Variants in DCP2 observed in about 807,000 individuals in gnomAD.
The protein encoded by DCP2 is m7GpppN-mRNA hydrolase.
A neutral mutation model predicts 56.1 loss-of-function variants in DCP2; 30 were observed. The ratio of observed to expected loss-of-function variants is 0.53; its 90% CI spans 0.40 to 0.73. The LOEUF is 0.73. DCP2 is among the 30% of genes least tolerant of loss of function. The pLI is 0.00. For missense variants in DCP2, 533 were observed against 502.7 expected, an observed-to-expected ratio of 1.06 and a Z score of -0.58; for synonymous variants, 197 against 163.3, an observed-to-expected ratio of 1.21 and a Z score of -1.57.
At chr5:112,993,785 C>T (rs1338404159) in intron 4 of DCP2, among the ~76,000 whole-genome samples, 2 of 152,018 alleles carry the variant, frequency 1.3e-5, no homozygotes, top group Non-Finnish European at 2.9e-5. Flanking sequence ...CTGCCACCGC[C>T]ACCAACTAAC....
Position 113,016,893 on chromosome 5 carries a change from G to A in DCP2, c.*3409G>A, listed in dbSNP as rs1749910465. The A allele has an allele frequency of 1.4e-5, 2 of 144,708 alleles. No homozygotes were observed. Among genetic ancestry groups the A allele is most frequent in the Middle Eastern group, 3.5e-3 (1 of 282 alleles). 9.0% of individuals were successfully genotyped at this position (144,708 alleles called of 1,614,324 possible). The stretch of plus-strand genomic sequence containing the variant: ...TTTCACTCCTGTTGCCCAGGCTGGA[G>A]TGCAATGGTGCAATTTCGGCTCACC... On this transcript the variant is annotated 3_prime_UTR_variant, in exon 11 of 11. Transcript: ENST00000389063.
chr5:112,993,105 G>A (rs1028857246), intron 4 of DCP2, among the ~76,000 whole-genome samples: 1 of 151,680 alleles, frequency 6.6e-6, no homozygotes, highest in Non-Finnish European at 1.5e-5. Context: ...TATGTTTATA[G>A]CCTTGGCTTC....
chr5:113,000,891 C>T (rs13177101), intron 4 of DCP2, among the ~76,000 whole-genome samples, 193 bp from the exon 5 acceptor site: 68,726 of 152,000 alleles, frequency 0.45, 16,423 homozygotes, highest in East Asian at 0.64. Context: ...CCTGTGGATA[C>T]AGTATTAGAA....
At chr5:112,986,226 A>AT (rs1015100313) in intron 2 of DCP2, among the ~76,000 whole-genome samples, 11 of 152,032 alleles carry the variant, frequency 7.2e-5, no homozygotes, top group African/African-American at 2.7e-4. Context: ...ATTAAATTTT[A>AT]TTTTTTTCCC....
chr5:112,981,827 A>C (rs549227631), intron 1 of DCP2, among the ~76,000 whole-genome samples: 5 of 152,116 alleles, frequency 3.3e-5, no homozygotes, highest in Non-Finnish European at 7.4e-5. Context: ...GCTGGAGGCA[A>C]TGATGTGGTC....
rs1447357839 is a variant in DCP2 at position 113,019,638 on chromosome 5, A to G, written c.*6154A>G. The G allele has an allele frequency of 1.3e-5, 2 of 152,232 alleles. No homozygotes were observed. Among genetic ancestry groups the G allele is most frequent in the Non-Finnish European group, 2.9e-5 (2 of 68,030 alleles). 9.4% of individuals were successfully genotyped at this position (152,232 alleles called of 1,614,324 possible). A position where few individuals can be genotyped will look rare whatever the true frequency, so the allele number is the denominator to read the frequency against. ...AGAAACTTTTTCTTCAGTAACAAAAACAGGGAAGGACAATAAAACCATGAA... is the reference window on the plus strand; with the variant it reads ...AGAAACTTTTTCTTCAGTAACAAAAGCAGGGAAGGACAATAAAACCATGAA... On this transcript the variant is annotated 3_prime_UTR_variant, in exon 11 of 11. Coordinates refer to ENST00000389063, the MANE Select transcript of DCP2 (RefSeq NM_152624.6).
At chr5:113,002,510 C>T (rs1249113453) in intron 7 of DCP2, among the ~76,000 whole-genome samples, 1 of 151,492 alleles carries the variant, frequency 6.6e-6, no homozygotes, top group South Asian at 2.1e-4. Flanking sequence ...CATTTTCTTG[C>T]TTGGAACTTT....
At chr5:112,985,387 A>G (rs1035611514) in intron 1 of DCP2, among the ~76,000 whole-genome samples, 2 of 152,230 alleles carry the variant, frequency 1.3e-5, no homozygotes, top group African/African-American at 4.8e-5. Flanking sequence ...GGGAAGTCCT[A>G]GTATATTAAT....
chr5:112,985,782 T>A, intron 1 of DCP2, 53 bp from the exon 2 acceptor site: 1 of 1,574,094 alleles, frequency 6.4e-7, no homozygotes, highest in Non-Finnish European at 8.7e-7. Context: ...TAGCTTAAGA[T>A]AAATCGTTAT....
At chr5:112,999,579 G>A (rs942640803) in intron 4 of DCP2, among the ~76,000 whole-genome samples, 1 of 151,158 alleles carries the variant, frequency 6.6e-6, no homozygotes, top group Admixed American at 6.6e-5. Flanking sequence ...GCCTGCCTTG[G>A]CCTCCCCTTA....
Position 112,976,947 on chromosome 5 carries a change from G to A in DCP2, c.14G>A (p.Arg5Gln), listed in dbSNP as rs746605697. ...TGGGTCCTCATCATGGAGACCAAAC[G>A]GGTGGAGATTCCCGGCAGCGTCCTG... METK[R>Q]VEIPGSVLDD... Residue 5 changes from arginine to glutamine, a missense_variant, in exon 1 of 11, where the codon CGG becomes CAG. By Grantham distance (43) the Arg-to-Gln change is conservative (BLOSUM62 1). Coordinates refer to ENST00000389063, the MANE Select transcript of DCP2 (RefSeq NM_152624.6). 5.6e-6 allele frequency: 9 copies of A among 1,602,654 alleles called. No individual in the cohort carries two copies. The Admixed American group carries it at 8.4e-5, about 15-fold the overall frequency.
In DCP2 at chr5:112,988,364, C is replaced by T. The variant is rs547322716; in HGVS notation, c.205+2378C>T. ...AAAATTAGCTGGGCGTGGTGGCGGG[C>T]GCTTGTAGTCCCAGCTACTCCGGAG... On this transcript the variant is annotated intron_variant, in intron 2 of 10. Transcript: ENST00000389063. 3.1e-4 allele frequency among the ~76,000 whole-genome samples: 46 copies of T among 150,142 alleles called. No homozygotes were observed. In the East Asian group the frequency reaches 7.2e-3, roughly 23 times the overall value.
chr5:112,984,703 A>AATATATATATATATATATATAT (rs57159758), intron 1 of DCP2: 157 of 64,796 alleles, frequency 2.4e-3, no homozygotes, highest in Non-Finnish European at 3.1e-3. Context: ...AAAAAAAAAA[A>AATATATATATATATATATATAT]ATATATATAT....
intron 10 of DCP2, 133 bp downstream of exon 10, chr5:113,010,940 G>GTTC: frequency 1.1e-6 from 1 of 899,626 alleles, no homozygotes; most frequent in Non-Finnish European, 1.6e-6. Context: ...TGTAGAAAGA[G>GTTC]TTCATGTATG....
At chr5:112,983,218 T>C (rs1748093057) in intron 1 of DCP2, among the ~76,000 whole-genome samples, 2 of 152,174 alleles carry the variant, frequency 1.3e-5, no homozygotes, top group African/African-American at 4.8e-5. Flanking sequence ...ATTTCTTACA[T>C]AGAGAAAATA....
chr5:112,978,499 C>A (rs1747835037), intron 1 of DCP2, among the ~76,000 whole-genome samples: 1 of 152,070 alleles, frequency 6.6e-6, no homozygotes, highest in South Asian at 2.1e-4. Context: ...TTCTCTCATA[C>A]CAAGGAGAAG....
At chr5:112,980,369 T>C (rs1580789119) in intron 1 of DCP2, among the ~76,000 whole-genome samples, 1 of 152,338 alleles carries the variant, frequency 6.6e-6, no homozygotes, top group Middle Eastern at 3.4e-3. Flanking sequence ...AATTAAATAA[T>C]TTGTGCTCAT....
chr5:112,990,728 C>T (rs1420029615), intron 2 of DCP2, among the ~76,000 whole-genome samples: 1 of 152,168 alleles, frequency 6.6e-6, no homozygotes, highest in African/African-American at 2.4e-5. Flanking sequence ...AGGTATGAGC[C>T]ACCACACCTG....
At chr5:112,985,796 T>C in intron 1 of DCP2, 39 bp from the exon 2 acceptor site, 1 of 1,589,278 alleles carries the variant, frequency 6.3e-7, no homozygotes, top group East Asian at 2.3e-5. Flanking sequence ...TCGTTATAGT[T>C]TGTAAATGTA....
Sources: allele counts gnomAD v4.1 joint callset (sites outside exome capture counted in the v4.1 genomes callset), GRCh38; gene constraint gnomAD v4.1.1; transcripts MANE v1.5; gene names NCBI Gene and HGNC (gene_info 2026-07-23, HGNC 2026-07-21).